BLTP3A: variants seen among roughly 807,000 people sequenced by gnomAD.
BLTP3A encodes ICBP90 binding protein 1.
chr6:34,793,920 GTA>G, the BLTP3A span, among the ~76,000 whole-genome samples: 1 of 114,216 alleles, frequency 8.8e-6, no homozygotes, highest in Non-Finnish European at 1.7e-5. Context: ...TACTTCAAGG[GTA>G]CAAAAAAAAA....
the BLTP3A span, among the ~76,000 whole-genome samples, chr6:34,837,663 A>C: frequency 2.6e-5 from 4 of 152,102 alleles, no homozygotes. Flanking sequence ...TGGGTGACAC[A>C]GTGAGACCCT....
chr6:34,828,419 C>G, the BLTP3A span, among the ~76,000 whole-genome samples: 1 of 149,156 alleles, frequency 6.7e-6, no homozygotes, highest in Non-Finnish European at 1.5e-5. Context: ...CCACTGCACT[C>G]CAGCCTGGGT....
At chr6:34,845,660 A>G in the BLTP3A span, among the ~76,000 whole-genome samples, 1 of 151,612 alleles carries the variant, frequency 6.6e-6, no homozygotes, top group African/African-American at 2.4e-5. Flanking sequence ...GCAGTGGTAC[A>G]ATCTTGGCTC....
the BLTP3A span, chr6:34,859,445 A>G: frequency 1.2e-6 from 2 of 1,614,220 alleles, no homozygotes; most frequent in East Asian, 2.2e-5. Flanking sequence ...GATGCCACCA[A>G]GGAGGCTCTA....
the BLTP3A span, among the ~76,000 whole-genome samples, chr6:34,848,086 AT>A: frequency 1.4e-3 from 189 of 137,748 alleles, no homozygotes; most frequent in Admixed American, 2.1e-3. Context: ...TGCCAGGCTA[AT>A]TTTTTTTTTT....
At chr6:34,806,637 C>CTACACTTCTCTAAATAGCTG in the BLTP3A span, among the ~76,000 whole-genome samples, 1 of 151,936 alleles carries the variant, frequency 6.6e-6, no homozygotes, top group Admixed American at 6.6e-5. Context: ...CTAAATAGCT[C>CTACACTTCTCTAAATAGCTG]TTTGAGGCAG....
chr6:34,796,291 C>G, the BLTP3A span, among the ~76,000 whole-genome samples: 2 of 152,150 alleles, frequency 1.3e-5, no homozygotes, highest in Non-Finnish European at 2.9e-5. Context: ...AATGCACCCT[C>G]CTTAGTAGTA....
chr6:34,852,301 C>A, the BLTP3A span, among the ~76,000 whole-genome samples: 1 of 151,784 alleles, frequency 6.6e-6, no homozygotes, highest in Non-Finnish European at 1.5e-5. Flanking sequence ...AGGTGCTGCT[C>A]ATGTTTATTC....
At chr6:34,858,418 A>G in the BLTP3A span, 1 of 1,614,072 alleles carries the variant, frequency 6.2e-7, no homozygotes. Flanking sequence ...CCAGAGACCT[A>G]AGGCTTCCTG....
chr6:34,841,879 C>G, the BLTP3A span, among the ~76,000 whole-genome samples: 1 of 152,132 alleles, frequency 6.6e-6, no homozygotes, highest in Non-Finnish European at 1.5e-5. Flanking sequence ...GAAGAGAGTA[C>G]CACCTACTTT....
the BLTP3A span, among the ~76,000 whole-genome samples, chr6:34,806,483 A>T: frequency 6.6e-6 from 1 of 152,222 alleles, no homozygotes; most frequent in Admixed American, 6.5e-5. Context: ...CATTTTGCAC[A>T]GTCTTTGCCT....
At chr6:34,834,445 A>C in the BLTP3A span, 2 of 1,604,592 alleles carry the variant, frequency 1.2e-6, no homozygotes, top group African/African-American at 2.7e-5. Context: ...GAATGGGGGA[A>C]TATTCAAAGT....
At chr6:34,872,401 A>G in the BLTP3A span, 1 of 1,612,892 alleles carries the variant, frequency 6.2e-7, no homozygotes, top group Non-Finnish European at 8.5e-7. Context: ...AAACTTCTTC[A>G]GGAGATTAGG....
chr6:34,872,477 A>G, the BLTP3A span: 15 of 1,582,344 alleles, frequency 9.5e-6, no homozygotes, highest in East Asian at 1.8e-4. Context: ...GAGAGAGGCT[A>G]TCACCAGCAA....
the BLTP3A span, chr6:34,856,206 G>T: frequency 3.8e-6 from 6 of 1,598,252 alleles, no homozygotes; most frequent in African/African-American, 8.1e-5. Context: ...TCATGATCTT[G>T]GGCTAAAATC....
At chr6:34,796,046 A>G in the BLTP3A span, among the ~76,000 whole-genome samples, 2 of 152,216 alleles carry the variant, frequency 1.3e-5, no homozygotes, top group Non-Finnish European at 2.9e-5. Flanking sequence ...CTGGGGAGGA[A>G]CTATGACTCT....
the BLTP3A span, chr6:34,873,469 A>G: frequency 6.6e-6 from 1 of 152,120 alleles, no homozygotes; most frequent in African/African-American, 2.4e-5. Flanking sequence ...ACTTCCCTCC[A>G]TCACTGTGGC....
chr6:34,863,318 G>A, the BLTP3A span, among the ~76,000 whole-genome samples: 1 of 152,162 alleles, frequency 6.6e-6, no homozygotes, highest in Non-Finnish European at 1.5e-5. Flanking sequence ...CTGTGTTAAT[G>A]CCTTTTTAAC....
the BLTP3A span, chr6:34,859,239 C>G: frequency 1.8e-5 from 29 of 1,613,958 alleles, 1 homozygote; most frequent in African/African-American, 3.6e-4. Flanking sequence ...GTCCACTTGC[C>G]CAGCAGCTGG....
Sources: allele counts gnomAD v4.1 joint callset (sites outside exome capture counted in the v4.1 genomes callset), GRCh38; gene constraint gnomAD v4.1.1; transcripts MANE v1.5; gene names NCBI Gene and HGNC (gene_info 2026-07-23, HGNC 2026-07-21).